Variants in FRMD4B observed in about 807,000 individuals in gnomAD.
The protein encoded by FRMD4B is FERM domain-containing protein 4B.
A neutral mutation model predicts 141.5 loss-of-function variants in FRMD4B; 74 were observed. The ratio of observed to expected loss-of-function variants is 0.52; its 90% CI spans 0.43 to 0.63. FRMD4B has a LOEUF of 0.63. Among genes scored for constraint, FRMD4B ranks in the 30% least tolerant of loss-of-function variants. FRMD4B has a pLI of 0.00. For missense variants in FRMD4B, 1,366 were observed against 1,253.4 expected (o/e 1.09, Z -1.36); for synonymous variants, 506 against 467.9 (o/e 1.08, Z -1.05).
chr3:69,451,573 C>T (rs1324907875), intron 1 of FRMD4B, among the ~76,000 whole-genome samples: 1 of 152,184 alleles, frequency 6.6e-6, no homozygotes, highest in Non-Finnish European at 1.5e-5. Flanking sequence ...CATGGCTTAT[C>T]CACCCACAAG....
chr3:69,380,562 C>T (rs1034222972), intron 1 of FRMD4B, among the ~76,000 whole-genome samples: 10 of 152,134 alleles, frequency 6.6e-5, no homozygotes, highest in African/African-American at 2.4e-4. Context: ...GCTTCTGTTC[C>T]CCCACTCTTA....
At chr3:69,438,086 TA>T (rs947271453) in intron 1 of FRMD4B, among the ~76,000 whole-genome samples, 3 of 146,864 alleles carry the variant, frequency 2.0e-5, no homozygotes, top group African/African-American at 7.5e-5. Context: ...TATTATCTAT[TA>T]TATATAATAT....
At chr3:69,471,258 T>G (rs1459794804) in intron 1 of FRMD4B, among the ~76,000 whole-genome samples, 1 of 152,150 alleles carries the variant, frequency 6.6e-6, no homozygotes, top group African/African-American at 2.4e-5. Context: ...ACTGGATAAC[T>G]TCAGAAAAGT....
rs181259370 is a variant in FRMD4B at position 69,381,783 on chromosome 3, G to A, written c.162+4045C>T. Among the ~76,000 whole-genome samples, 168 of 152,258 alleles carry A rather than the reference G, an allele frequency of 1.1e-3. 1 individual carries two copies. Among genetic ancestry groups the A allele is most frequent in the African/African-American group, 3.9e-3 (160 of 41,558 alleles). ...AAAATAGCTAATATTTTTATGTAAA[G>A]AGCACTAGATTTGATATTCTAATGA... is the stretch of plus-strand genomic sequence containing the variant. On this transcript the variant is annotated intron_variant, in intron 1 of 22. Coordinates refer to ENST00000398540, the MANE Select transcript of FRMD4B (RefSeq NM_015123.3).
At chr3:69,174,177 A>G (rs2092619659) in intron 22 of FRMD4B, among the ~76,000 whole-genome samples, 1 of 152,120 alleles carries the variant, frequency 6.6e-6, no homozygotes, top group African/African-American at 2.4e-5. Context: ...CTTTTATAAA[A>G]AAAAGAAGGA....
chr3:69,484,417 A>G (rs952612173), intron 1 of FRMD4B, among the ~76,000 whole-genome samples: 1 of 152,012 alleles, frequency 6.6e-6, no homozygotes, highest in Non-Finnish European at 1.5e-5. Context: ...CTGGCCAGAA[A>G]CCTCTGTGGC....
In FRMD4B at chr3:69,283,554, A is replaced by G. The variant is rs1209980463; in HGVS notation, c.501+4198T>C. 2.0e-5 allele frequency among the ~76,000 whole-genome samples: 3 copies of G among 152,220 alleles called. No individual in the cohort carries two copies. The South Asian group carries it at 6.2e-4, about 31-fold the overall frequency. Reference sequence around the variant, plus strand: ...CAAACAGAATTTAGCATGCAGAGGTACAAGAGAAACGTCATGAGTTGAAAA... The same window carrying G: ...CAAACAGAATTTAGCATGCAGAGGTGCAAGAGAAACGTCATGAGTTGAAAA... On this transcript the variant is annotated intron_variant, in intron 5 of 22. Transcript: ENST00000398540.
At chr3:69,294,078 C>T (rs940236555) in intron 4 of FRMD4B, among the ~76,000 whole-genome samples, 1 of 152,002 alleles carries the variant, frequency 6.6e-6, no homozygotes, top group Non-Finnish European at 1.5e-5. Flanking sequence ...TTGCGAGGTC[C>T]CAGTGGTATC....
rs199672532 is a variant in FRMD4B, at chr3:69,322,584, TTCTC to T, written c.163-9071_163-9068del. ...CCAGGGAGAGTCATTGTTTAGATTT[TTCTC>T]TCTCTCTTTTTTTTTTTTTTTTTTT... On this transcript the variant is annotated intron_variant, in intron 1 of 22. Coordinates refer to ENST00000398540, the MANE Select transcript of FRMD4B (RefSeq NM_015123.3). Among the ~76,000 whole-genome samples the T allele has an allele frequency of 8.3e-3, 1,202 of 144,336 alleles. 73 individuals are homozygous for T. The highest frequency in any genetic ancestry group is 0.024 in the Middle Eastern group (7 of 286). 94.7% of individuals were successfully genotyped at this position (144,336 alleles called of 152,430 possible). A position where few individuals can be genotyped will look rare whatever the true frequency, so the allele number is the denominator to read the frequency against.
At chr3:69,191,556 T>TC (rs1553697547) in intron 17 of FRMD4B, among the ~76,000 whole-genome samples, 1 of 7,966 alleles carries the variant, frequency 1.3e-4, no homozygotes, top group Non-Finnish European at 6.3e-3. Flanking sequence ...GCAAATATAA[T>TC]CCTCAATGTA....
At chr3:69,537,205 C>A (rs1701100829) in intron 1 of FRMD4B, among the ~76,000 whole-genome samples, 1 of 152,178 alleles carries the variant, frequency 6.6e-6, no homozygotes, top group African/African-American at 2.4e-5. Flanking sequence ...AGCACGATCG[C>A]CCTGCTTCTA....
At chr3:69,272,317 T>C (rs1184708788) in intron 5 of FRMD4B, among the ~76,000 whole-genome samples, 1 of 152,122 alleles carries the variant, frequency 6.6e-6, no homozygotes, top group Non-Finnish European at 1.5e-5. Context: ...TAATTTATTG[T>C]TTTTAGTAGA....
intron 1 of FRMD4B, among the ~76,000 whole-genome samples, chr3:69,470,416 GT>G (rs1378637324): frequency 2.0e-5 from 3 of 151,612 alleles, no homozygotes; most frequent in East Asian, 3.9e-4. Context: ...TACCAGTCCA[GT>G]TTTTTTTAAT....
chr3:69,509,870 G>T (rs57759765), intron 1 of FRMD4B, among the ~76,000 whole-genome samples: 15,102 of 151,346 alleles, frequency 0.1, 878 homozygotes, highest in East Asian at 0.2. Flanking sequence ...ATACTAAAGC[G>T]AGTATCAAAT....
At chr3:69,335,115 C>T (rs1479621710) in intron 1 of FRMD4B, among the ~76,000 whole-genome samples, 1 of 152,174 alleles carries the variant, frequency 6.6e-6, no homozygotes, top group Non-Finnish European at 1.5e-5. Flanking sequence ...ATGCCCTGAG[C>T]TATGAGCTAT....
chr3:69,295,793 C>T (rs912002501), intron 4 of FRMD4B, among the ~76,000 whole-genome samples: 1 of 151,854 alleles, frequency 6.6e-6, no homozygotes, highest in African/African-American at 2.4e-5. Flanking sequence ...TAGCTTCTTT[C>T]CCCCTTCACA....
chr3:69,483,508 A>G (rs1162907189), intron 1 of FRMD4B, among the ~76,000 whole-genome samples: 1 of 152,228 alleles, frequency 6.6e-6, no homozygotes, highest in Non-Finnish European at 1.5e-5. Context: ...GGATTTGACT[A>G]ATGAAAAGCT....
intron 7 of FRMD4B, among the ~76,000 whole-genome samples, chr3:69,242,264 G>A (rs943484637): frequency 1.3e-5 from 2 of 151,950 alleles, no homozygotes; most frequent in East Asian, 1.9e-4. Flanking sequence ...GATTCCAGTG[G>A]GTACTCAGCA....
chr3:69,353,094 A>T (rs967890231), intron 1 of FRMD4B, among the ~76,000 whole-genome samples: 12 of 45,448 alleles, frequency 2.6e-4, no homozygotes, highest in South Asian at 5.4e-4. Flanking sequence ...TTAAAATTTA[A>T]AAAAAAAAAG....
Sources: gnomAD v4.1 joint callset for allele counts (sites outside exome capture counted in the v4.1 genomes callset) on GRCh38, gnomAD v4.1.1 for gene constraint, MANE v1.5 for transcripts, NCBI Gene and HGNC (gene_info 2026-07-23, HGNC 2026-07-21) for gene names.